BMPR1A: variants seen among roughly 807,000 people sequenced by gnomAD.
The protein encoded by BMPR1A is bone morphogenetic protein receptor type-1A.
A neutral mutation model predicts 66.0 loss-of-function variants in BMPR1A; 7 were observed. The ratio of observed to expected loss-of-function variants is 0.11; its 90% CI spans 0.06 to 0.20. BMPR1A has a LOEUF of 0.20. Ranked by LOEUF, BMPR1A falls within the 10% of genes least tolerant of loss-of-function variation. The pLI, the probability that BMPR1A is intolerant of heterozygous loss-of-function variation, is 1.00. For synonymous variants in BMPR1A, 200 were observed against 229.7 expected, an observed-to-expected ratio of 0.87 and a Z score of 1.17; for missense variants, 408 against 669.1, an observed-to-expected ratio of 0.61 and a Z score of 4.31.
intron 2 of BMPR1A, among the ~76,000 whole-genome samples, chr10:86,865,423 A>G: frequency 6.6e-6 from 1 of 152,196 alleles, no homozygotes; most frequent in Non-Finnish European, 1.5e-5. Flanking sequence ...CCGCCAGAGA[A>G]CAACTCCTCT....
At chr10:86,799,862 T>C (rs1399876541) in intron 1 of BMPR1A, among the ~76,000 whole-genome samples, 3 of 152,162 alleles carry the variant, frequency 2.0e-5, no homozygotes, top group African/African-American at 7.2e-5. Flanking sequence ...CCCAAACCAG[T>C]ATCAAAATGC....
At chr10:86,766,804 T>C (rs1841170524) in intron 1 of BMPR1A, among the ~76,000 whole-genome samples, 1 of 151,450 alleles carries the variant, frequency 6.6e-6, no homozygotes, top group Admixed American at 6.6e-5. Flanking sequence ...GAGACGGGGT[T>C]TCACCGTGTT....
intron 1 of BMPR1A, among the ~76,000 whole-genome samples, chr10:86,822,686 G>C (rs1842137322): frequency 6.6e-6 from 1 of 151,696 alleles, no homozygotes; most frequent in African/African-American, 2.4e-5. Flanking sequence ...ACCCAGGCTG[G>C]AGTGCAGTGG....
chr10:86,819,394 T>C (rs1009008311), intron 1 of BMPR1A, among the ~76,000 whole-genome samples: 1 of 152,148 alleles, frequency 6.6e-6, no homozygotes, highest in African/African-American at 2.4e-5. Flanking sequence ...CACTGCAGTC[T>C]CTGCCTCCTG....
intron 1 of BMPR1A, among the ~76,000 whole-genome samples, chr10:86,770,145 G>A (rs1476560346): frequency 6.6e-6 from 1 of 152,206 alleles, no homozygotes; most frequent in East Asian, 1.9e-4. Flanking sequence ...ATAAAAATTA[G>A]CTAGGCGTGG....
At chr10:86,804,554 C>A (rs546971462) in intron 1 of BMPR1A, among the ~76,000 whole-genome samples, 27 of 152,146 alleles carry the variant, frequency 1.8e-4, no homozygotes, top group African/African-American at 5.8e-4. Context: ...TCTTTATAGA[C>A]CCTATTTACA....
intron 1 of BMPR1A, among the ~76,000 whole-genome samples, chr10:86,809,734 C>T (rs193276898): frequency 1.2e-4 from 18 of 151,752 alleles, no homozygotes; most frequent in East Asian, 1.9e-4. Flanking sequence ...TGAGCCAGGA[C>T]GCCTACCCGC....
At chr10:86,866,097 C>T (rs1001919349) in intron 2 of BMPR1A, among the ~76,000 whole-genome samples, 3 of 152,200 alleles carry the variant, frequency 2.0e-5, no homozygotes, top group Non-Finnish European at 4.4e-5. Flanking sequence ...CTTCTCCCCT[C>T]TTCCAGCTTT....
intron 1 of BMPR1A, among the ~76,000 whole-genome samples, chr10:86,760,481 G>C (rs554420876): frequency 1.3e-5 from 2 of 151,724 alleles, no homozygotes; most frequent in Non-Finnish European, 2.9e-5. Context: ...CAGTTGATCC[G>C]CTCGCCTCAG....
At chr10:86,820,776 T>C (rs1301206978) in intron 1 of BMPR1A, among the ~76,000 whole-genome samples, 3 of 152,340 alleles carry the variant, frequency 2.0e-5, no homozygotes, top group East Asian at 3.9e-4. Flanking sequence ...GGTTGGCATC[T>C]ACCACTTCTC....
At chr10:86,884,820 T>C (rs1843048860) in intron 3 of BMPR1A, among the ~76,000 whole-genome samples, 1 of 152,158 alleles carries the variant, frequency 6.6e-6, no homozygotes, top group South Asian at 2.1e-4. Context: ...GTGTCGGACA[T>C]GTGTCAGCAT....
chr10:86,890,988 C>A (rs968641775), intron 4 of BMPR1A, among the ~76,000 whole-genome samples: 1 of 152,160 alleles, frequency 6.6e-6, no homozygotes, highest in Non-Finnish European at 1.5e-5. Flanking sequence ...AACAACTCAA[C>A]CTCATCAGTC....
chr10:86,861,506 T>A (rs969561343), intron 2 of BMPR1A, among the ~76,000 whole-genome samples: 1 of 152,238 alleles, frequency 6.6e-6, no homozygotes, highest in African/African-American at 2.4e-5. Context: ...ACTGAAAGAT[T>A]GCAGTTGAAT....
At chr10:86,843,298 C>G (rs1488845258) in intron 2 of BMPR1A, 1 of 152,180 alleles carries the variant, frequency 6.6e-6, no homozygotes, top group Non-Finnish European at 1.5e-5. Context: ...AACCCCATCT[C>G]AAATGCCAAT....
In BMPR1A at chr10:86,924,925, A is replaced by C. The variant is rs1448146089; in HGVS notation, c.*1206A>C. On this transcript the variant is annotated 3_prime_UTR_variant, in exon 13 of 13. Transcript: ENST00000372037. ...CCAGGACTTTGTTAACTTCAGGTAA[A>C]AACTTCATTAGGGTAATATCATCTC... is the stretch of plus-strand genomic sequence containing the variant. 3 of 232,058 alleles carry C rather than the reference A, an allele frequency of 1.3e-5. No individual in the cohort carries two copies. The highest frequency in any genetic ancestry group is 2.6e-5 in the Non-Finnish European group (3 of 117,416). The allele number at this position is 232,058 out of a possible 1,614,324, so 14.4% of individuals were successfully genotyped here. A position where few individuals can be genotyped will look rare whatever the true frequency, so the allele number is the denominator to read the frequency against.
chr10:86,876,749 G>A (rs1158482219), intron 3 of BMPR1A, among the ~76,000 whole-genome samples: 1 of 152,182 alleles, frequency 6.6e-6, no homozygotes, highest in Non-Finnish European at 1.5e-5. Flanking sequence ...TCTAGCCTGG[G>A]CGACAGAGCA....
At position 86,775,427 on chromosome 10, in the gene BMPR1A, A is replaced by G. The variant is rs530021931; in HGVS notation, c.-268+18508A>G. Among the ~76,000 whole-genome samples the G allele has an allele frequency of 5.3e-5, 8 of 152,216 alleles. No homozygotes were observed. In the East Asian group the frequency reaches 5.8e-4, roughly 11 times the overall value. ...CCTGCTTATCTCAACACGAAAGTCA[A>G]ATGTTGTGAAGGGTGGACACAAGGC... On this transcript the variant is annotated intron_variant, in intron 1 of 12. Transcript: ENST00000372037.
intron 2 of BMPR1A, among the ~76,000 whole-genome samples, chr10:86,873,049 C>T (rs1186877788): frequency 6.6e-6 from 1 of 152,150 alleles, no homozygotes; most frequent in South Asian, 2.1e-4. Context: ...CAGTCCTTTC[C>T]TCTGAAAGGG....
At chr10:86,895,320 C>G (rs755871722) in intron 5 of BMPR1A, among the ~76,000 whole-genome samples, 1 of 151,160 alleles carries the variant, frequency 6.6e-6, no homozygotes, top group Non-Finnish European at 1.5e-5. Context: ...AGCAGATCAT[C>G]TGAGGTCAGG....
Sources: allele counts gnomAD v4.1 joint callset (sites outside exome capture counted in the v4.1 genomes callset), GRCh38; gene constraint gnomAD v4.1.1; transcripts MANE v1.5; gene names NCBI Gene and HGNC (gene_info 2026-07-23, HGNC 2026-07-21).